The following SLIT3 variants were observed in gnomAD, a reference collection of about 807,000 sequenced individuals.
SLIT3 encodes slit homolog 3 protein.
SLIT3 carries 68 observed loss-of-function variants against 184.0 expected under a neutral mutation model. The ratio of observed to expected loss-of-function variants is 0.37; its 90% confidence interval spans 0.30 to 0.45. The LOEUF (loss-of-function observed/expected upper bound fraction) is 0.45, where lower values mean the gene tolerates loss of function less well. Ranked by LOEUF, SLIT3 falls within the 20% of genes least tolerant of loss-of-function variation. SLIT3 has a pLI of 1.00. For missense variants in SLIT3, 1,707 were observed against 2,026.0 expected (o/e 0.84, Z 3.02); for synonymous variants, 831 against 828.6 (o/e 1.00, Z -0.05).
chr5:168,775,258 G>A (rs535716337), intron 12 of SLIT3, among the ~76,000 whole-genome samples: 32 of 152,018 alleles, frequency 2.1e-4, no homozygotes, highest in Admixed American at 4.6e-4. Flanking sequence ...GGCTGGTCTC[G>A]AACTCCTGAC....
intron 3 of SLIT3, among the ~76,000 whole-genome samples, chr5:169,222,610 C>T (rs985531767): frequency 6.6e-5 from 10 of 152,160 alleles, no homozygotes; most frequent in African/African-American, 2.2e-4. Flanking sequence ...AAAAACACCT[C>T]AGTTTTTGGT....
intron 4 of SLIT3, among the ~76,000 whole-genome samples, chr5:169,148,955 T>TA (rs1232739239): frequency 6.6e-6 from 1 of 152,118 alleles, no homozygotes; most frequent in Non-Finnish European, 1.5e-5. Context: ...AGTGTACATC[T>TA]ACTATTCACA....
intron 4 of SLIT3, among the ~76,000 whole-genome samples, chr5:169,159,399 T>G (rs1762403184): frequency 6.6e-6 from 1 of 151,062 alleles, no homozygotes; most frequent in African/African-American, 2.4e-5. Context: ...GCACTCCAGC[T>G]TGGGCAACAA....
intron 4 of SLIT3, among the ~76,000 whole-genome samples, chr5:169,056,590 A>G (rs1438365654): frequency 6.7e-6 from 1 of 149,540 alleles, no homozygotes; most frequent in Non-Finnish European, 1.5e-5. Context: ...ATAGCTGGCG[A>G]TCTCTTAAAA....
intron 3 of SLIT3, among the ~76,000 whole-genome samples, chr5:169,210,927 G>A (rs542020083): frequency 6.6e-6 from 1 of 152,338 alleles, no homozygotes; most frequent in East Asian, 1.9e-4. Flanking sequence ...GTGTGGCCAT[G>A]TAACTTGATT....
intron 10 of SLIT3, chr5:168,790,276 C>T (rs954177896): frequency 6.6e-6 from 1 of 152,420 alleles, no homozygotes. Context: ...TGTTCCTCAT[C>T]TGGGAGCAAG....
chr5:169,021,064 T>C (rs1281885150), intron 4 of SLIT3, among the ~76,000 whole-genome samples: 3 of 152,206 alleles, frequency 2.0e-5, no homozygotes, highest in African/African-American at 4.8e-5. Flanking sequence ...AAATGAGCTA[T>C]GTGCTTAAGG....
intron 1 of SLIT3, among the ~76,000 whole-genome samples, chr5:169,288,664 A>G (rs1185855585): frequency 1.3e-5 from 2 of 152,108 alleles, no homozygotes; most frequent in Non-Finnish European, 2.9e-5. Flanking sequence ...CACTCAATAA[A>G]TGGCCCCTTT....
chr5:168,668,426 G>A (rs1193512062), intron 35 of SLIT3, among the ~76,000 whole-genome samples: 1 of 152,184 alleles, frequency 6.6e-6, no homozygotes, highest in African/African-American at 2.4e-5. Context: ...AGTTTTGAAG[G>A]CATGGCATCT....
intron 1 of SLIT3, among the ~76,000 whole-genome samples, chr5:169,270,465 T>C (rs913317785): frequency 6.6e-6 from 1 of 152,234 alleles, no homozygotes; most frequent in South Asian, 2.1e-4. Flanking sequence ...ATAAAAATTA[T>C]ATGAAATTCA....
rs10045972 is a variant in SLIT3, at chr5:168,662,456, A to C, written c.*3998T>G. ...GGTCACCCTGGGGCTCTTTTCCCCC[A>C]CCTTTTTTTTCCCTCTGAGCTTGGG... On this transcript the variant is annotated 3_prime_UTR_variant, in exon 36 of 36. Transcript: ENST00000519560. 4.0e-5 allele frequency: 6 copies of C among 151,882 alleles called. No individual in the cohort carries two copies. The highest frequency in any genetic ancestry group is 9.7e-5 in the African/African-American group (4 of 41,344). The allele number at this position is 151,882 out of a possible 1,614,324, so 9.4% of individuals were successfully genotyped here.
At chr5:168,741,340 G>A (rs1231959683) in intron 20 of SLIT3, among the ~76,000 whole-genome samples, 3 of 151,800 alleles carry the variant, frequency 2.0e-5, no homozygotes, top group East Asian at 1.9e-4. Context: ...GCATGGTGGC[G>A]GGCACCTGTA....
At chr5:168,828,658 C>CAAAAAAAAAA (rs56974958) in intron 6 of SLIT3, among the ~76,000 whole-genome samples, 12 of 97,136 alleles carry the variant, frequency 1.2e-4, no homozygotes, top group East Asian at 6.0e-4. Flanking sequence ...GATCCTGACT[C>CAAAAAAAAAA]AAAAAAAAAA....
At chr5:168,801,177 A>G (rs1438216799) in intron 9 of SLIT3, among the ~76,000 whole-genome samples, 1 of 151,790 alleles carries the variant, frequency 6.6e-6, no homozygotes, top group Non-Finnish European at 1.5e-5. Context: ...CTCCCATCCC[A>G]CCCTATCACC....
intron 4 of SLIT3, among the ~76,000 whole-genome samples, chr5:169,032,549 T>C (rs1757067467): frequency 6.6e-6 from 1 of 151,784 alleles, no homozygotes; most frequent in Admixed American, 6.6e-5. Flanking sequence ...AGTAACTTGA[T>C]GTTTTACTTA....
chr5:169,155,489 T>C (rs549257025), intron 4 of SLIT3, among the ~76,000 whole-genome samples: 4 of 152,290 alleles, frequency 2.6e-5, no homozygotes, highest in African/African-American at 9.6e-5. Context: ...TCAAAGCACT[T>C]GGAGCAAAAG....
chr5:168,840,663 T>C (rs1581134096), intron 6 of SLIT3, among the ~76,000 whole-genome samples: 1 of 152,166 alleles, frequency 6.6e-6, no homozygotes, highest in Non-Finnish European at 1.5e-5. Context: ...TAGTGTTGTA[T>C]GCGAATTACC....
intron 4 of SLIT3, among the ~76,000 whole-genome samples, chr5:169,169,925 A>G (rs1762763450): frequency 6.6e-6 from 1 of 152,242 alleles, no homozygotes; most frequent in Non-Finnish European, 1.5e-5. Context: ...GACTGGCCAC[A>G]GAGCGCAAGT....
chr5:169,113,734 C>T (rs1304390113), intron 4 of SLIT3, among the ~76,000 whole-genome samples: 3 of 149,306 alleles, frequency 2.0e-5, no homozygotes, highest in Non-Finnish European at 3.0e-5. Flanking sequence ...CGGCTCACTG[C>T]AACATCTGAC....
Sources: gnomAD v4.1 joint callset for allele counts (sites outside exome capture counted in the v4.1 genomes callset) on GRCh38, gnomAD v4.1.1 for gene constraint, MANE v1.5 for transcripts, NCBI Gene and HGNC (gene_info 2026-07-23, HGNC 2026-07-21) for gene names.